F10: variants seen among roughly 807,000 people sequenced by gnomAD.
F10 encodes the protein Stuart-Prower factor.
A neutral mutation model predicts 37.1 loss-of-function variants in F10; 29 were observed. That is an observed-to-expected ratio of 0.78 (90% confidence interval 0.58 to 1.07). The LOEUF is 1.07. Among genes scored for constraint, F10 ranks in the 50% least tolerant of loss-of-function variants. The pLI is 0.00. For synonymous variants in F10, 262 were observed against 268.6 expected, an observed-to-expected ratio of 0.98 and a Z score of 0.24; for missense variants, 539 against 667.9, an observed-to-expected ratio of 0.81 and a Z score of 2.13.
At chr13:113,137,734 C>T (rs2036492251) in intron 2 of F10, among the ~76,000 whole-genome samples, 2 of 152,132 alleles carry the variant, frequency 1.3e-5, no homozygotes, top group Non-Finnish European at 2.9e-5. Flanking sequence ...GCGGACGCGT[C>T]GCTCCTGTCT....
intron 1 of F10, among the ~76,000 whole-genome samples, chr13:113,124,451 C>G (rs2036351483): frequency 1.3e-5 from 2 of 152,190 alleles, no homozygotes; most frequent in South Asian, 4.1e-4. Flanking sequence ...CTGTGGTGTC[C>G]CCGGGGGCCG....
chr13:113,147,191 CAGTG>C (rs1324671507), intron 6 of F10, among the ~76,000 whole-genome samples, 184 bp from the exon 7 acceptor site: 2 of 152,292 alleles, frequency 1.3e-5, no homozygotes, highest in East Asian at 3.9e-4. Flanking sequence ...CTCCCTATAT[CAGTG>C]AGTGTGTGGC....
chr13:113,138,350 T>C (rs547548762), intron 2 of F10, 107 bp from the exon 3 acceptor site: 75 of 611,070 alleles, frequency 1.2e-4, no homozygotes, highest in South Asian at 9.4e-4. Context: ...GTGACTTCCA[T>C]TGGGGAAAAT....
chr13:113,148,389 T>C (rs200275885), intron 7 of F10, among the ~76,000 whole-genome samples: 2 of 18,862 alleles, frequency 1.1e-4, no homozygotes, highest in South Asian at 0.012. Flanking sequence ...TATATATATA[T>C]ACATATATAT....
intron 2 of F10, chr13:113,130,361 C>G (rs1013742903): frequency 6.5e-6 from 1 of 153,464 alleles, no homozygotes; most frequent in African/African-American, 2.4e-5. Context: ...GGGCTTCGAA[C>G]GAACCTGGAA....
rs948390821 is a variant in F10, at chr13:113,143,658, C to A, written c.503-193C>A. 6.6e-6 allele frequency among the ~76,000 whole-genome samples: 1 copy of A among 152,138 alleles called. No individual in the cohort carries two copies. The highest frequency in any genetic ancestry group is 1.5e-5 in the Non-Finnish European group (1 of 68,024). On this transcript the variant is annotated intron_variant, in intron 5 of 7. Coordinates refer to ENST00000375559, the MANE Select transcript of F10 (RefSeq NM_000504.4). The surrounding 1 kb of genome is among the most constrained non-coding windows in gnomAD (Gnocchi z 6.8). The stretch of plus-strand genomic sequence containing the variant: ...GGTCACCTGAGGGGAGGCCAACGCT[C>A]GGACAGCTGCGCTCACCTGCAGATC...
At position 113,139,178 on chromosome 13, in the gene F10, A is replaced by C. The variant is rs1260583241; in HGVS notation, c.257-179A>C. On this transcript the variant is annotated intron_variant, in intron 3 of 7. Transcript: ENST00000375559. This position sits in a 1 kb window ranked among gnomAD's most constrained non-coding sequence, Gnocchi z 5.2. ...ATCCACCTAGATAAAGGCATCACGT[A>C]CACATGGCCACAAAAGGGGGTGGAT... Among the ~76,000 whole-genome samples the C allele has an allele frequency of 6.6e-6, 1 of 152,240 alleles. No homozygotes were observed. Among genetic ancestry groups the C allele is most frequent in the East Asian group, 1.9e-4 (1 of 5,200 alleles).
In F10 at chr13:113,149,040, C is replaced by T. The variant is rs2036612711; in HGVS notation, c.990C>T (p.Thr330=). The change falls in exon 8 of 8, where the codon ACC becomes ACT. Residue 330 remains threonine (T), a synonymous_variant. Transcript: ENST00000375559. The surrounding 1 kb of genome is among the most constrained non-coding windows in gnomAD (Gnocchi z 7.5). ...DFDIAVLRLK[T]PITFRMNVAP... is the part of the protein sequence containing the mutation. ...ACATCGCCGTGCTCCGGCTCAAGAC[C>T]CCCATCACCTTCCGCATGAACGTGG... 1 of 1,613,462 alleles carries T rather than the reference C, an allele frequency of 6.2e-7. No individual in the cohort carries two copies. Among genetic ancestry groups the T allele is most frequent in the South Asian group, 1.1e-5 (1 of 91,070 alleles).
intron 4 of F10, 60 bp from the exon 5 acceptor site, chr13:113,140,859 G>T: frequency 6.2e-7 from 1 of 1,612,606 alleles, no homozygotes; most frequent in South Asian, 1.1e-5. Context: ...GGCACCCTTG[G>T]GCCAGCCCAG....
intron 1 of F10, 102 bp downstream of exon 1, chr13:113,123,027 C>A: frequency 2.2e-6 from 3 of 1,348,454 alleles, no homozygotes; most frequent in Non-Finnish European, 3.1e-6. Flanking sequence ...ACGGTGGGTG[C>A]CTTGAGTGCT....
In F10 at chr13:113,144,171, A is replaced by G; in HGVS notation, c.747+76A>G. The G allele has an allele frequency of 6.2e-7, 1 of 1,602,114 alleles. No homozygotes were observed. Among genetic ancestry groups the G allele is most frequent in the Non-Finnish European group, 8.5e-7 (1 of 1,175,300 alleles). The stretch of plus-strand genomic sequence containing the variant: ...TGTGCACCTCGGGGAGGCCAGCCTG[A>G]CACTTGGAATAGCAATCCGGGAAGG... On this transcript the variant is annotated intron_variant, in intron 6 of 7. Coordinates refer to ENST00000375559, the MANE Select transcript of F10 (RefSeq NM_000504.4). This position sits in a 1 kb window ranked among gnomAD's most constrained non-coding sequence, Gnocchi z 6.4.
rs183246813 is a variant in F10 at position 113,143,345 on chromosome 13, G to T, written c.503-506G>T. On this transcript the variant is annotated intron_variant, in intron 5 of 7. Transcript: ENST00000375559. This position sits in a 1 kb window ranked among gnomAD's most constrained non-coding sequence, Gnocchi z 6.8. The stretch of plus-strand genomic sequence containing the variant: ...CCTGTGCCTCCAGTTGTTTGCGTGC[G>T]CCATTCCTTCTGCCTGAAAACTTTT... Among the ~76,000 whole-genome samples the T allele has an allele frequency of 6.6e-6, 1 of 152,212 alleles. No individual in the cohort carries two copies. The highest frequency in any genetic ancestry group is 2.1e-4 in the South Asian group (1 of 4,820).
At chr13:113,142,337 C>G (rs549797751) in intron 5 of F10, among the ~76,000 whole-genome samples, 1 of 150,904 alleles carries the variant, frequency 6.6e-6, no homozygotes, top group Non-Finnish European at 1.5e-5. Flanking sequence ...GTCAGGAGAT[C>G]GAGACCATCC....
intron 3 of F10, 136 bp downstream of exon 3, chr13:113,138,617 C>T (rs956105677): frequency 3.8e-5 from 24 of 626,082 alleles, no homozygotes; most frequent in Admixed American, 3.2e-4. Flanking sequence ...CAGGGTGTTT[C>T]CATAATAGTT....
At chr13:113,122,961 G>T in intron 1 of F10, 36 bp downstream of exon 1, 1 of 1,603,880 alleles carries the variant, frequency 6.2e-7, no homozygotes, top group Non-Finnish European at 8.5e-7. Flanking sequence ...CAAAAGCAGC[G>T]CCAGGGAGCA....
At chr13:113,126,623 C>A (rs972310677) in intron 1 of F10, among the ~76,000 whole-genome samples, 1 of 152,080 alleles carries the variant, frequency 6.6e-6, no homozygotes, top group Admixed American at 6.5e-5. Context: ...GGCATATGTC[C>A]ATCTGGCCAC....
intron 4 of F10, among the ~76,000 whole-genome samples, chr13:113,140,097 G>A (rs1484854655): frequency 8.0e-6 from 1 of 125,312 alleles, no homozygotes; most frequent in African/African-American, 3.0e-5. Flanking sequence ...TTTTTGAGAT[G>A]GAGTCTCGCT....
intron 4 of F10, 77 bp from the exon 5 acceptor site, chr13:113,140,842 T>G: frequency 3.1e-6 from 5 of 1,606,746 alleles, no homozygotes; most frequent in Non-Finnish European, 3.4e-6. Flanking sequence ...GGCAAGTGGA[T>G]GTAGCTGGCA....
intron 3 of F10, among the ~76,000 whole-genome samples, chr13:113,138,764 C>G (rs1057379466): frequency 6.6e-6 from 1 of 152,076 alleles, no homozygotes; most frequent in African/African-American, 2.4e-5. Flanking sequence ...AAAGTGTATT[C>G]GGTAAAAGCA....
Sources: allele counts gnomAD v4.1 joint callset (sites outside exome capture counted in the v4.1 genomes callset), GRCh38; gene constraint gnomAD v4.1.1; non-coding constraint Gnocchi (gnomAD v3.1); transcripts MANE v1.5; gene names NCBI Gene and HGNC (gene_info 2026-07-23, HGNC 2026-07-21).